Variants in SP3 observed in about 807,000 individuals in gnomAD.
SP3 encodes the protein transcription factor Sp3.
SP3 carries 10 observed loss-of-function variants against 70.3 expected under a neutral mutation model. The ratio of observed to expected loss-of-function variants is 0.14; its 90% CI spans 0.09 to 0.24. The LOEUF (loss-of-function observed/expected upper bound fraction) is 0.24, where lower values mean the gene tolerates loss of function less well. Ranked by LOEUF, SP3 falls within the 10% of genes least tolerant of loss-of-function variation. SP3 has a pLI of 1.00. For synonymous variants in SP3, 402 were observed against 333.5 expected, an observed-to-expected ratio of 1.21 and a Z score of -2.24; for missense variants, 825 against 914.6, an observed-to-expected ratio of 0.90 and a Z score of 1.26.
intron 4 of SP3, among the ~76,000 whole-genome samples, chr2:173,922,081 C>G (rs1689770937): frequency 6.6e-6 from 1 of 152,086 alleles, no homozygotes; most frequent in African/African-American, 2.4e-5. Context: ...TACCCAGTCC[C>G]AGATATTTCT....
Position 173,901,625 on chromosome 2 carries a change from T to C in SP3, c.*8316A>G, listed in dbSNP as rs1055737589. 1.3e-5 allele frequency among the ~76,000 whole-genome samples: 2 copies of C among 151,608 alleles called. No individual in the cohort carries two copies. Among genetic ancestry groups the C allele is most frequent in the African/African-American group, 2.4e-5 (1 of 41,244 alleles). On this transcript the variant is annotated 3_prime_UTR_variant, in exon 7 of 7. Coordinates refer to ENST00000310015, the MANE Select transcript of SP3 (RefSeq NM_003111.5). The stretch of plus-strand genomic sequence containing the variant: ...TCATTTCACATCCATCAACCCATCA[T>C]GTGCAGTAGCCTATATCCCCAGCCG...
upstream of SP3, chr2:173,965,442 C>G (rs1385710668): frequency 3.0e-5 from 15 of 494,026 alleles, no homozygotes; most frequent in Non-Finnish European, 5.0e-5. Flanking sequence ...CGGCTGTGCT[C>G]ATTGGTCCAG....
chr2:173,911,280 C>T (rs1035429859), intron 6 of SP3, among the ~76,000 whole-genome samples: 3 of 152,164 alleles, frequency 2.0e-5, no homozygotes, highest in Admixed American at 2.0e-4. Flanking sequence ...TTAGATGCTC[C>T]ACTGCCTAAT....
rs1689433346 is a variant in SP3 at position 173,910,003 on chromosome 2, G to C, written c.2284C>G (p.Leu762Val). The C allele has an allele frequency of 1.9e-6, 3 of 1,613,896 alleles. No homozygotes were observed. Among genetic ancestry groups the C allele is most frequent in the Non-Finnish European group, 1.7e-6 (2 of 1,179,850 alleles). The change falls in exon 7 of 7, where the codon CTT becomes GTT. Residue 762 changes from leucine (L) to valine (V), a missense_variant. Around this residue, in one of 4 missense-constraint regions of SP3, gnomAD observed 91 missense variants for 97.4 expected, o/e 0.93. Coordinates refer to ENST00000310015, the MANE Select transcript of SP3 (RefSeq NM_003111.5). Reference sequence around the variant, plus strand: ...TGTAAAGGTATTTCAGTGTTGGTAAGGATATCTTGATTGCTGGTGGCGGAA... The same window carrying C: ...TGTAAAGGTATTTCAGTGTTGGTAACGATATCTTGATTGCTGGTGGCGGAA... Reference protein sequence around the residue: ...NTSATSNQDILTNTEIPLQLV... With the variant: ...NTSATSNQDIVTNTEIPLQLV...
chr2:173,941,533 C>A (rs1017719513), intron 4 of SP3, among the ~76,000 whole-genome samples: 2 of 152,156 alleles, frequency 1.3e-5, no homozygotes, highest in Non-Finnish European at 2.9e-5. Flanking sequence ...TCACCTGAGC[C>A]CGGAAGGTCC....
At chr2:173,957,640 C>T (rs953056480) in intron 3 of SP3, among the ~76,000 whole-genome samples, 6 of 152,098 alleles carry the variant, frequency 3.9e-5, no homozygotes, top group Admixed American at 2.6e-4. Context: ...ACAGATCCCA[C>T]TAAATTGTTT....
intron 4 of SP3, among the ~76,000 whole-genome samples, chr2:173,924,679 A>G (rs1216560139): frequency 6.6e-6 from 1 of 152,214 alleles, no homozygotes; most frequent in African/African-American, 2.4e-5. Flanking sequence ...GGATGGAGCC[A>G]GGATGTAAGA....
At chr2:173,964,145 C>T in intron 2 of SP3, 2 of 377,496 alleles carry the variant, frequency 5.3e-6, no homozygotes, top group South Asian at 9.0e-5. Context: ...CCGCCTTCCG[C>T]CCGGAACCCA....
At position 173,905,525 on chromosome 2, in the gene SP3, G is replaced by C. The variant is rs1231751862; in HGVS notation, c.*4416C>G. 6.6e-6 allele frequency among the ~76,000 whole-genome samples: 1 copy of C among 152,066 alleles called. No individual in the cohort carries two copies. The highest frequency in any genetic ancestry group is 1.5e-5 in the Non-Finnish European group (1 of 68,022). On this transcript the variant is annotated 3_prime_UTR_variant, in exon 7 of 7. Coordinates refer to ENST00000310015, the MANE Select transcript of SP3 (RefSeq NM_003111.5). ...GACTGAAGGAGATAGGCCTTCTCAG[G>C]ATATCATTCTTAACATCAAAAACTG...
chr2:173,942,437 A>G (rs1690400077), intron 4 of SP3, among the ~76,000 whole-genome samples: 1 of 152,172 alleles, frequency 6.6e-6, no homozygotes, highest in South Asian at 2.1e-4. Context: ...GTGGTGGCGC[A>G]TGCCTGTAAT....
intron 4 of SP3, among the ~76,000 whole-genome samples, chr2:173,947,582 A>C (rs1559104725): frequency 6.6e-6 from 1 of 152,098 alleles, no homozygotes; most frequent in African/African-American, 2.4e-5. Flanking sequence ...TTTTTGTTTC[A>C]CTTCTTTTCT....
At chr2:173,916,741 TC>T (rs1201408304) in intron 5 of SP3, 1 of 152,072 alleles carries the variant, frequency 6.6e-6, no homozygotes, top group Non-Finnish European at 1.5e-5. Flanking sequence ...AGCAGACAAT[TC>T]CCTTTAACCC....
At chr2:173,963,185 C>T (rs938314673) in intron 3 of SP3, 2 of 152,064 alleles carry the variant, frequency 1.3e-5, no homozygotes, top group Non-Finnish European at 2.9e-5. Flanking sequence ...AAAAAAAAGT[C>T]ACTGCAAATT....
chr2:173,963,587 G>A (rs1200113766), intron 3 of SP3, among the ~76,000 whole-genome samples, 174 bp downstream of exon 3: 1 of 152,166 alleles, frequency 6.6e-6, no homozygotes, highest in Admixed American at 6.5e-5. Flanking sequence ...AGCCTGGGCT[G>A]GCTTCAGATC....
chr2:173,964,773 C>G (rs965538499), intron 1 of SP3: 4 of 432,700 alleles, frequency 9.2e-6, no homozygotes, highest in Admixed American at 9.2e-5. Flanking sequence ...CCTCCTCTTT[C>G]CCTCCTCCTC....
rs191970567 is a variant in SP3 at position 173,905,103 on chromosome 2, T to C, written c.*4838A>G. Among the ~76,000 whole-genome samples the C allele has an allele frequency of 3.2e-4, 49 of 152,358 alleles. No individual in the cohort carries two copies. The highest frequency in any genetic ancestry group is 4.4e-5 in the Non-Finnish European group (3 of 68,026). ...CTGATAGGGCAGTCACTTCAGACAC[T>C]TCATCCACTATCACTTTAGGTTCCA... is the stretch of plus-strand genomic sequence containing the variant. On this transcript the variant is annotated 3_prime_UTR_variant, in exon 7 of 7. Transcript: ENST00000310015.
chr2:173,910,523 A>G (rs932931506), intron 6 of SP3, among the ~76,000 whole-genome samples: 1 of 152,228 alleles, frequency 6.6e-6, no homozygotes, highest in African/African-American at 2.4e-5. Context: ...AGACTTTAAT[A>G]TCTCAACTAC....
In SP3 at chr2:173,906,014, T is replaced by A. The variant is rs1038466383; in HGVS notation, c.*3927A>T. ...TCAAATATAGGGAAAAAACAAACAA[T>A]AAACCCTGGACTAGAATGAATTTTT... On this transcript the variant is annotated 3_prime_UTR_variant, in exon 7 of 7. Transcript: ENST00000310015. Among the ~76,000 whole-genome samples, 1 of 151,948 alleles carries A rather than the reference T, an allele frequency of 6.6e-6. No homozygotes were observed. The highest frequency in any genetic ancestry group is 6.6e-5 in the Admixed American group (1 of 15,262).
intron 5 of SP3, chr2:173,916,775 T>C (rs1297482057): frequency 3.3e-5 from 5 of 152,044 alleles, no homozygotes; most frequent in Non-Finnish European, 7.4e-5. Flanking sequence ...TCTGCCAACT[T>C]ATACAAATAA....
Sources: gnomAD v4.1 joint callset for allele counts (sites outside exome capture counted in the v4.1 genomes callset) on GRCh38, gnomAD v4.1.1 for gene constraint, gnomAD v4.1.1 regional missense constraint, MANE v1.5 for transcripts, NCBI Gene and HGNC (gene_info 2026-07-23, HGNC 2026-07-21) for gene names.